The following DDX10 variants were observed in gnomAD, a reference collection of about 807,000 sequenced individuals.
DDX10 encodes probable ATP-dependent RNA helicase DDX10.
DDX10 carries 74 observed loss-of-function variants against 104.3 expected under a neutral mutation model. The ratio of observed to expected loss-of-function variants is 0.71; its 90% CI spans 0.59 to 0.86. DDX10 has a LOEUF of 0.86. Ranked by LOEUF, DDX10 falls within the 40% of genes least tolerant of loss-of-function variation. The pLI is 0.00. For synonymous variants in DDX10, 351 were observed against 353.4 expected (o/e 0.99, Z 0.08); for missense variants, 952 against 1,040.0 (o/e 0.92, Z 1.16).
intron 12 of DDX10, among the ~76,000 whole-genome samples, chr11:108,720,774 G>A (rs964739964): frequency 6.6e-6 from 1 of 151,736 alleles, no homozygotes. Flanking sequence ...TGTAATTTTT[G>A]TAGAGATAGG....
chr11:108,836,306 G>T (rs1480115091), intron 13 of DDX10, among the ~76,000 whole-genome samples: 1 of 152,128 alleles, frequency 6.6e-6, no homozygotes, highest in Non-Finnish European at 1.5e-5. Flanking sequence ...CAGTGTTTTA[G>T]TAATACCCAC....
At chr11:108,843,937 C>T (rs529152070) in intron 15 of DDX10, among the ~76,000 whole-genome samples, 5 of 152,202 alleles carry the variant, frequency 3.3e-5, no homozygotes, top group Middle Eastern at 3.4e-3. Flanking sequence ...AAAGGTGTAT[C>T]GTTGTGCACT....
chr11:108,842,638 C>T (rs1862656096), intron 15 of DDX10, among the ~76,000 whole-genome samples: 1 of 152,108 alleles, frequency 6.6e-6, no homozygotes, highest in Non-Finnish European at 1.5e-5. Flanking sequence ...AACAGATGAA[C>T]CTGAAACGTA....
At chr11:108,707,067 C>T (rs1565253412) in intron 10 of DDX10, among the ~76,000 whole-genome samples, 2 of 152,112 alleles carry the variant, frequency 1.3e-5, no homozygotes, top group African/African-American at 4.8e-5. Flanking sequence ...CCATTATCAA[C>T]GTCCCCCACC....
intron 9 of DDX10, among the ~76,000 whole-genome samples, chr11:108,701,270 C>G (rs976754680): frequency 6.6e-6 from 1 of 152,114 alleles, no homozygotes; most frequent in Non-Finnish European, 1.5e-5. Flanking sequence ...TTATGGCTGT[C>G]TTTCTGCACC....
intron 13 of DDX10, among the ~76,000 whole-genome samples, chr11:108,755,833 A>G (rs2094343757): frequency 6.6e-6 from 1 of 152,044 alleles, no homozygotes; most frequent in African/African-American, 2.4e-5. Flanking sequence ...AAGACTAATA[A>G]TAGTACTAGC....
intron 10 of DDX10, among the ~76,000 whole-genome samples, chr11:108,715,138 A>G (rs983155955): frequency 1.6e-4 from 24 of 151,202 alleles, no homozygotes; most frequent in African/African-American, 5.5e-4. Flanking sequence ...TTTCTAAATA[A>G]GGAAATCACT....
chr11:108,843,062 C>G (rs960224092), intron 15 of DDX10, among the ~76,000 whole-genome samples: 1 of 152,148 alleles, frequency 6.6e-6, no homozygotes, highest in Non-Finnish European at 1.5e-5. Flanking sequence ...GTTTGCTAGG[C>G]TCTGCCATAG....
intron 16 of DDX10, among the ~76,000 whole-genome samples, chr11:108,854,567 G>A (rs1283133619): frequency 1.3e-5 from 2 of 152,158 alleles, no homozygotes; most frequent in East Asian, 3.9e-4. Flanking sequence ...AATTTACCAG[G>A]AAATGTAGTC....
intron 17 of DDX10, among the ~76,000 whole-genome samples, chr11:108,934,683 A>G (rs906298878): frequency 2.6e-5 from 4 of 152,242 alleles, no homozygotes; most frequent in African/African-American, 4.8e-5. Context: ...AGTTGCAGTC[A>G]TGGTAAAATT....
At chr11:108,752,782 A>AT (rs886638639) in intron 13 of DDX10, among the ~76,000 whole-genome samples, 1 of 152,068 alleles carries the variant, frequency 6.6e-6, no homozygotes, top group African/African-American at 2.4e-5. Context: ...GTAGCCTAAT[A>AT]TTTTTGCCAT....
At chr11:108,746,320 C>G (rs1053077887) in intron 13 of DDX10, among the ~76,000 whole-genome samples, 6 of 151,466 alleles carry the variant, frequency 4.0e-5, no homozygotes, top group Admixed American at 3.9e-4. Flanking sequence ...TAACTGGATT[C>G]TTTCACTTAG....
intron 9 of DDX10, among the ~76,000 whole-genome samples, chr11:108,694,980 A>G (rs1258182560): frequency 1.3e-5 from 2 of 152,226 alleles, no homozygotes; most frequent in East Asian, 3.8e-4. Context: ...AAAAAGGATT[A>G]CACAATCTGT....
chr11:108,787,621 A>G (rs1017676642), intron 13 of DDX10, among the ~76,000 whole-genome samples: 6 of 151,904 alleles, frequency 3.9e-5, no homozygotes, highest in African/African-American at 1.5e-4. Context: ...AGCATGCTCT[A>G]TTCTGCTGTT....
At chr11:108,897,620 C>T (rs889867953) in intron 16 of DDX10, among the ~76,000 whole-genome samples, 2 of 151,924 alleles carry the variant, frequency 1.3e-5, no homozygotes, top group African/African-American at 2.4e-5. Context: ...GCAAATCCCG[C>T]AGGGGACCCG....
At chr11:108,729,110 T>C (rs886385352) in intron 13 of DDX10, among the ~76,000 whole-genome samples, 1 of 152,186 alleles carries the variant, frequency 6.6e-6, no homozygotes, top group African/African-American at 2.4e-5. Flanking sequence ...CCTTATCTCA[T>C]GTAAACACTT....
rs530287350 is a variant in DDX10, at chr11:108,794,955, A to G, written c.1966-43491A>G. Among the ~76,000 whole-genome samples, 36 of 151,684 alleles carry G rather than the reference A, an allele frequency of 2.4e-4. No homozygotes were observed. The South Asian group carries it at 2.7e-3, about 11-fold the overall frequency. On this transcript the variant is annotated intron_variant, in intron 13 of 17. Transcript: ENST00000322536. ...TGATTCTCCTGCCTTAGCCTCCCCAATAGCTGGGATTACAGGCATGTGCCA... is the reference window on the plus strand; with the variant it reads ...TGATTCTCCTGCCTTAGCCTCCCCAGTAGCTGGGATTACAGGCATGTGCCA...
rs548053435 is a variant in DDX10, at chr11:108,790,814, A to C, written c.1966-47632A>C. 5.2e-3 allele frequency among the ~76,000 whole-genome samples: 781 copies of C among 151,484 alleles called. 3 individuals are homozygous for C. Among genetic ancestry groups the C allele is most frequent in the Non-Finnish European group, 8.5e-3 (574 of 67,876 alleles). On this transcript the variant is annotated intron_variant, in intron 13 of 17. Transcript: ENST00000322536. ...ACCTTAAGGTACCTCCCACCCACAC[A>C]CACTTTCAGTCTCTTTTTTAGTTTA... is the stretch of plus-strand genomic sequence containing the variant.
At chr11:108,889,003 A>G (rs1468267779) in intron 16 of DDX10, among the ~76,000 whole-genome samples, 2 of 152,190 alleles carry the variant, frequency 1.3e-5, no homozygotes, top group Non-Finnish European at 2.9e-5. Context: ...TTTATAAAAT[A>G]GAAATAAAGG....
Sources: gnomAD v4.1 joint callset for allele counts (sites outside exome capture counted in the v4.1 genomes callset) on GRCh38, gnomAD v4.1.1 for gene constraint, MANE v1.5 for transcripts, NCBI Gene and HGNC (gene_info 2026-07-23, HGNC 2026-07-21) for gene names.